IL1RAPL1: variants seen among roughly 807,000 people sequenced by gnomAD.
IL1RAPL1 encodes interleukin-1 receptor accessory protein-like 1.
IL1RAPL1 carries 3 observed loss-of-function variants against 48.4 expected under a neutral mutation model. The observed-to-expected ratio is 0.06, with a 90% CI of 0.03 to 0.16. IL1RAPL1 has a LOEUF of 0.16. IL1RAPL1 is among the 10% of genes least tolerant of loss of function. IL1RAPL1 has a pLI of 1.00. For synonymous variants in IL1RAPL1, 185 were observed against 187.7 expected, an observed-to-expected ratio of 0.99 and a Z score of 0.12; for missense variants, 349 against 530.6, an observed-to-expected ratio of 0.66 and a Z score of 3.36.
intron 1 of IL1RAPL1, among the ~76,000 whole-genome samples, chrX:28,779,524 T>C (rs926739363): frequency 9.5e-6 from 1 of 105,619 alleles, no homozygotes; most frequent in African/African-American, 3.4e-5. Flanking sequence ...AATTAGTTTA[T>C]CATGATTTCT....
intron 2 of IL1RAPL1, among the ~76,000 whole-genome samples, chrX:29,228,176 GTGCACACACA>G (rs1176885436): frequency 1.8e-5 from 1 of 56,780 alleles, no homozygotes; most frequent in African/African-American, 1.0e-4. Context: ...GGACACACGC[GTGCACACACA>G]CACACACACA....
intron 5 of IL1RAPL1, among the ~76,000 whole-genome samples, chrX:29,494,030 GA>G (rs959349994): frequency 1.8e-5 from 2 of 110,568 alleles, no homozygotes; most frequent in African/African-American, 6.6e-5. Flanking sequence ...GAGTAGCTGG[GA>G]CTACAGGCAC....
chrX:28,679,402 G>A (rs1935033041), intron 1 of IL1RAPL1, among the ~76,000 whole-genome samples: 1 of 111,092 alleles, frequency 9.0e-6, no homozygotes, highest in African/African-American at 3.3e-5. Flanking sequence ...CACTTCGTAA[G>A]TTTTGTTTTT....
chrX:29,207,614 A>G (rs1930689794), intron 2 of IL1RAPL1, among the ~76,000 whole-genome samples: 2 of 111,747 alleles, frequency 1.8e-5, no homozygotes, highest in South Asian at 7.5e-4. Flanking sequence ...GAACCATTAT[A>G]CCCATGCTGA....
At chrX:29,663,412 A>G (rs1271392156) in intron 5 of IL1RAPL1, among the ~76,000 whole-genome samples, 3 of 112,430 alleles carry the variant, frequency 2.7e-5, no homozygotes, top group African/African-American at 9.7e-5. Flanking sequence ...CACTCGCCAC[A>G]GTGCATCATA....
chrX:28,904,209 ATAAT>A (rs1315713815), intron 2 of IL1RAPL1, among the ~76,000 whole-genome samples: 3 of 111,659 alleles, frequency 2.7e-5, no homozygotes, highest in African/African-American at 9.7e-5. Flanking sequence ...TCATAAATAA[ATAAT>A]TGTGAAGTGA....
At chrX:29,373,327 C>T (rs890904666) in intron 3 of IL1RAPL1, among the ~76,000 whole-genome samples, 2 of 111,549 alleles carry the variant, frequency 1.8e-5, no homozygotes, top group African/African-American at 3.3e-5. Flanking sequence ...CTGAGTCTTT[C>T]GGATTTTCTA....
intron 3 of IL1RAPL1, among the ~76,000 whole-genome samples, chrX:29,307,114 T>G (rs1237168868): frequency 9.0e-6 from 1 of 111,515 alleles, no homozygotes; most frequent in African/African-American, 3.3e-5. Flanking sequence ...TGTTTCATGC[T>G]GCTGTACTGG....
intron 5 of IL1RAPL1, among the ~76,000 whole-genome samples, chrX:29,516,694 G>A (rs1935449530): frequency 9.0e-6 from 1 of 110,771 alleles, no homozygotes; most frequent in Non-Finnish European, 1.9e-5. Flanking sequence ...GGACATTTGG[G>A]CTGTTTCCAT....
At chrX:29,033,244 G>A (rs772297788) in intron 2 of IL1RAPL1, among the ~76,000 whole-genome samples, 15 of 111,282 alleles carry the variant, frequency 1.3e-4, no homozygotes, top group East Asian at 2.8e-4. Context: ...GGACTTTGCC[G>A]TTTATAGTAC....
chrX:29,298,327 A>G (rs915783969), intron 3 of IL1RAPL1, among the ~76,000 whole-genome samples: 2 of 111,782 alleles, frequency 1.8e-5, no homozygotes, highest in East Asian at 5.6e-4. Flanking sequence ...GTGCCTTAAG[A>G]TCAGGCAACA....
chrX:28,665,345 A>T (rs939581827), intron 1 of IL1RAPL1, among the ~76,000 whole-genome samples: 3 of 112,086 alleles, frequency 2.7e-5, no homozygotes, highest in African/African-American at 6.5e-5. Flanking sequence ...CAAGGAATTT[A>T]AAAAAGTGTA....
chrX:28,750,475 G>T lies in IL1RAPL1; in HGVS notation c.-24-38845G>T, dbSNP rs148717894. On this transcript the variant is annotated intron_variant, in intron 1 of 10. Transcript: ENST00000378993. ...TCCATTTATAGTATGAGATAACTCAGCCATTTTCATTAAATGTCAGAAAAA... is the reference window on the plus strand; with the variant it reads ...TCCATTTATAGTATGAGATAACTCATCCATTTTCATTAAATGTCAGAAAAA... Among the ~76,000 whole-genome samples the T allele has an allele frequency of 2.7e-3, 302 of 111,315 alleles. 1 individual carries two copies. Among genetic ancestry groups the T allele is most frequent in the African/African-American group, 9.4e-3 (287 of 30,651 alleles).
intron 2 of IL1RAPL1, among the ~76,000 whole-genome samples, chrX:28,953,205 A>G (rs1293221804): frequency 9.0e-6 from 1 of 111,607 alleles, no homozygotes; most frequent in Admixed American, 9.6e-5. Flanking sequence ...CTATTCAATT[A>G]AATTTTTGTG....
chrX:28,909,509 T>C (rs1472236119), intron 2 of IL1RAPL1, among the ~76,000 whole-genome samples: 4 of 111,577 alleles, frequency 3.6e-5, no homozygotes, highest in Admixed American at 9.6e-5. Flanking sequence ...ATTTCCTTTT[T>C]ATAAACATCT....
intron 6 of IL1RAPL1, among the ~76,000 whole-genome samples, chrX:29,740,122 G>GAAAAAAAAAAAAAAAAAAAAAAAACAAAA (rs1172511347): frequency 1.9e-5 from 1 of 52,331 alleles, no homozygotes; most frequent in Non-Finnish European, 3.7e-5. Flanking sequence ...CAAAAAAACA[G>GAAAAAAAAAAAAAAAAAAAAAAAACAAAA]AAAAAAAAAA....
chrX:29,813,709 C>T (rs1930428005), intron 6 of IL1RAPL1, among the ~76,000 whole-genome samples: 1 of 110,791 alleles, frequency 9.0e-6, no homozygotes, highest in Admixed American at 9.6e-5. Context: ...GCATAGTACC[C>T]AATACGTAGT....
intron 6 of IL1RAPL1, among the ~76,000 whole-genome samples, chrX:29,806,223 G>A (rs887560175): frequency 1.0e-4 from 11 of 109,695 alleles, no homozygotes; most frequent in East Asian, 2.8e-4. Flanking sequence ...GTGCGTGCAC[G>A]CGTGCACACA....
intron 5 of IL1RAPL1, among the ~76,000 whole-genome samples, chrX:29,605,944 A>G (rs776731914): frequency 3.6e-5 from 4 of 112,051 alleles, no homozygotes; most frequent in Non-Finnish European, 7.5e-5. Flanking sequence ...TCGAAGACAA[A>G]TGATATATAA....
Sources: gnomAD v4.1 joint callset for allele counts (sites outside exome capture counted in the v4.1 genomes callset) on GRCh38, gnomAD v4.1.1 for gene constraint, MANE v1.5 for transcripts, NCBI Gene and HGNC (gene_info 2026-07-23, HGNC 2026-07-21) for gene names.